The following CCNYL1 variants were observed in gnomAD, a reference collection of about 807,000 sequenced individuals.
The protein encoded by CCNYL1 is cyclin-Y-like protein 1.
In CCNYL1, 16 loss-of-function variants were observed where a neutral mutation model predicts 44.2. The observed-to-expected ratio is 0.36, with a 90% CI of 0.25 to 0.55. CCNYL1 has a LOEUF of 0.55. CCNYL1 is among the 20% of genes least tolerant of loss of function. The pLI, the probability that CCNYL1 is intolerant of heterozygous loss-of-function variation, is 0.85. For missense variants in CCNYL1, 348 were observed against 451.8 expected (o/e 0.77, Z 2.08); for synonymous variants, 159 against 163.2 (o/e 0.97, Z 0.20).
chr2:207,741,375 T>A (rs980953392), intron 6 of CCNYL1, among the ~76,000 whole-genome samples: 1 of 152,190 alleles, frequency 6.6e-6, no homozygotes, highest in Admixed American at 6.5e-5. Context: ...GAAAGGAACA[T>A]AAAAATTTTC....
intron 1 of CCNYL1, among the ~76,000 whole-genome samples, chr2:207,723,312 G>A (rs2091655204): frequency 6.6e-6 from 1 of 152,254 alleles, no homozygotes; most frequent in East Asian, 1.9e-4. Flanking sequence ...CAAATTACTT[G>A]GAAGAGAGAA....
intron 7 of CCNYL1, among the ~76,000 whole-genome samples, chr2:207,745,286 T>C (rs1057372983): frequency 2.6e-5 from 4 of 152,174 alleles, no homozygotes; most frequent in African/African-American, 7.2e-5. Context: ...GACAGTGTTC[T>C]GCACAAGTGG....
intron 2 of CCNYL1, among the ~76,000 whole-genome samples, chr2:207,725,810 T>G (rs932365410): frequency 1.3e-5 from 2 of 152,242 alleles, no homozygotes; most frequent in Non-Finnish European, 2.9e-5. Context: ...TCTGTACTCC[T>G]GTTTATCTTC....
chr2:207,738,686 A>G (rs1410738803), intron 5 of CCNYL1, among the ~76,000 whole-genome samples: 1 of 151,280 alleles, frequency 6.6e-6, no homozygotes, highest in East Asian at 1.9e-4. Context: ...TGCATTGGTT[A>G]TATGGAAAAT....
At chr2:207,729,369 CT>C (rs1052903105) in intron 3 of CCNYL1, among the ~76,000 whole-genome samples, 4 of 149,198 alleles carry the variant, frequency 2.7e-5, no homozygotes, top group Non-Finnish European at 5.9e-5. Flanking sequence ...TCTATTGAAT[CT>C]TTCATCTTTT....
At chr2:207,716,028 CA>C (rs749095412) in intron 1 of CCNYL1, among the ~76,000 whole-genome samples, 2 of 152,170 alleles carry the variant, frequency 1.3e-5, no homozygotes, top group Non-Finnish European at 2.9e-5. Flanking sequence ...CAGATAGACT[CA>C]AAGTATTTTC....
Position 207,711,941 on chromosome 2 carries a change from C to A in CCNYL1, c.45C>A (p.Pro15=). ...LTCCVSPNAS[P]KLGRRAGSAE... is the part of the protein sequence containing the mutation. ...GTTGCGTGTCCCCCAATGCCAGCCC[C>A]AAGCTGGGCCGGCGCGCGGGGTCGG... The change falls in exon 1 of 10, where the codon CCC becomes CCA. Residue 15 remains proline, a synonymous_variant. Coordinates refer to ENST00000295414, the MANE Select transcript of CCNYL1 (RefSeq NM_001330218.2). The A allele has an allele frequency of 2.1e-6, 3 of 1,400,290 alleles. No homozygotes were observed. The highest frequency in any genetic ancestry group is 2.8e-6 in the Non-Finnish European group (3 of 1,074,308). The allele number at this position is 1,400,290 out of a possible 1,614,324, so 86.7% of individuals were successfully genotyped here. A position where few individuals can be genotyped will look rare whatever the true frequency, so the allele number is the denominator to read the frequency against.
At chr2:207,750,366 CAG>C (rs1016849095) in intron 8 of CCNYL1, among the ~76,000 whole-genome samples, 4 of 152,150 alleles carry the variant, frequency 2.6e-5, no homozygotes, top group African/African-American at 4.8e-5. Context: ...TGCGCCGGGA[CAG>C]GGGGAGGGGA....
intron 8 of CCNYL1, 76 bp downstream of exon 8, chr2:207,747,289 A>G: frequency 7.7e-7 from 1 of 1,302,514 alleles, no homozygotes; most frequent in South Asian, 1.5e-5. Context: ...CAATTTAAGG[A>G]ATATTTTTAA....
chr2:207,713,509 T>G (rs1384055595), intron 1 of CCNYL1, among the ~76,000 whole-genome samples: 1 of 152,188 alleles, frequency 6.6e-6, no homozygotes, highest in Non-Finnish European at 1.5e-5. Flanking sequence ...TGGAAAGAGA[T>G]AAGTCTAGGT....
rs577930903 is a variant in CCNYL1, at chr2:207,738,924, T to C, written c.467+1478T>C. Among the ~76,000 whole-genome samples the C allele has an allele frequency of 6.6e-5, 10 of 152,208 alleles. No individual in the cohort carries two copies. In the South Asian group the frequency reaches 2.1e-3, roughly 32 times the overall value. On this transcript the variant is annotated intron_variant, in intron 5 of 9. Coordinates refer to ENST00000295414, the MANE Select transcript of CCNYL1 (RefSeq NM_001330218.2). ...TAGTAGAGACAGTGTTTCACCATGTTGCCCAGGCTGGTCTTGAATTCCTGA... is the reference window on the plus strand; with the variant it reads ...TAGTAGAGACAGTGTTTCACCATGTCGCCCAGGCTGGTCTTGAATTCCTGA...
intron 1 of CCNYL1, among the ~76,000 whole-genome samples, chr2:207,712,428 A>G (rs2091557507): frequency 1.3e-5 from 2 of 152,158 alleles, no homozygotes. Context: ...GGACTTTGCT[A>G]AGACTTTTGG....
chr2:207,728,020 G>A (rs1161948374), intron 3 of CCNYL1, among the ~76,000 whole-genome samples: 4 of 150,284 alleles, frequency 2.7e-5, no homozygotes, highest in Non-Finnish European at 4.4e-5. Flanking sequence ...CTGGAGTGCA[G>A]TGGTGCGATC....
chr2:207,736,423 A>G (rs1168711937), intron 4 of CCNYL1, among the ~76,000 whole-genome samples: 1 of 152,268 alleles, frequency 6.6e-6, no homozygotes, highest in East Asian at 1.9e-4. Flanking sequence ...TTAGGAATAC[A>G]GTAACATATA....
At chr2:207,731,928 G>GT (rs1185481918) in intron 3 of CCNYL1, among the ~76,000 whole-genome samples, 4 of 151,176 alleles carry the variant, frequency 2.6e-5, no homozygotes, top group African/African-American at 9.7e-5. Context: ...TCTTGCCTCG[G>GT]CCTCCCGAGT....
rs1297173263 is a variant in CCNYL1 at position 207,755,637 on chromosome 2, A to C, written c.*1939A>C. The C allele has an allele frequency of 6.6e-6, 1 of 152,336 alleles. No individual in the cohort carries two copies. The highest frequency in any genetic ancestry group is 6.5e-5 in the Admixed American group (1 of 15,294). The allele number at this position is 152,336 out of a possible 1,614,324, so 9.4% of individuals were successfully genotyped here. ...AAAGGAATTGGACCCTAATTATAGA[A>C]GGTGATATGAACAGCTGTTTTATCA... On this transcript the variant is annotated 3_prime_UTR_variant, in exon 10 of 10. Transcript: ENST00000295414.
intron 8 of CCNYL1, among the ~76,000 whole-genome samples, chr2:207,748,094 T>C (rs1238977680): frequency 6.6e-6 from 1 of 152,226 alleles, no homozygotes; most frequent in Non-Finnish European, 1.5e-5. Context: ...TTGCTTTTGC[T>C]AGTCTTTCCA....
At position 207,730,071 on chromosome 2, in the gene CCNYL1, C is replaced by G. The variant is rs540039629; in HGVS notation, c.330+3195C>G. On this transcript the variant is annotated intron_variant, in intron 3 of 9. Coordinates refer to ENST00000295414, the MANE Select transcript of CCNYL1 (RefSeq NM_001330218.2). ...CAGAGAAGAATCTCCCAATTTTCTA[C>G]CTGGGGAGTACAAGCATGGCTGCTC... is the stretch of plus-strand genomic sequence containing the variant. Among the ~76,000 whole-genome samples the G allele has an allele frequency of 4.6e-5, 7 of 152,258 alleles. No homozygotes were observed. In the East Asian group the frequency reaches 1.2e-3, roughly 25 times the overall value.
At chr2:207,712,589 C>G (rs936867585) in intron 1 of CCNYL1, among the ~76,000 whole-genome samples, 2 of 152,052 alleles carry the variant, frequency 1.3e-5, no homozygotes, top group Non-Finnish European at 2.9e-5. Flanking sequence ...GTGAAGATAG[C>G]TGATGCCCGC....
Sources: gnomAD v4.1 joint callset for allele counts (sites outside exome capture counted in the v4.1 genomes callset) on GRCh38, gnomAD v4.1.1 for gene constraint, MANE v1.5 for transcripts, NCBI Gene and HGNC (gene_info 2026-07-23, HGNC 2026-07-21) for gene names.